Variants in PHF3 observed in about 807,000 individuals in gnomAD.
PHF3 encodes PHD finger protein 3.
Under a neutral mutation model 178.4 loss-of-function variants are expected in PHF3, and 41 were observed. The ratio of observed to expected loss-of-function variants is 0.23; its 90% CI spans 0.18 to 0.30. The LOEUF (loss-of-function observed/expected upper bound fraction) is 0.30, where lower values mean the gene tolerates loss of function less well. Ranked by LOEUF, PHF3 falls within the 10% of genes least tolerant of loss-of-function variation. The pLI is 1.00. For missense variants in PHF3, 2,346 were observed against 2,398.1 expected (o/e 0.98, Z 0.45); for synonymous variants, 842 against 800.5 (o/e 1.05, Z -0.88).
At chr6:63,660,278 GACGTGTACT>G (rs1765410262) in intron 2 of PHF3, among the ~76,000 whole-genome samples, 1 of 151,804 alleles carries the variant, frequency 6.6e-6, no homozygotes, top group South Asian at 2.1e-4. Flanking sequence ...CCAACAGGTA[GACGTGTACT>G]GCAAGCTACT....
chr6:63,718,524 CATT>C lies in PHF3; in HGVS notation c.*4817_*4819del, dbSNP rs2149620978. ...CAAACTAATTTAGTAAGAAGAGTGT[CATT>C]GTCTTGATTTTTGCATATTTCCAAT... On this transcript the variant is annotated 3_prime_UTR_variant, in exon 16 of 16. Coordinates refer to ENST00000262043, the MANE Select transcript of PHF3 (RefSeq NM_001370348.2). 6.6e-6 allele frequency among the ~76,000 whole-genome samples: 1 copy of C among 152,066 alleles called. No individual in the cohort carries two copies. The highest frequency in any genetic ancestry group is 6.6e-5 in the Admixed American group (1 of 15,232).
chr6:63,693,030 C>T (rs1309325264), intron 5 of PHF3, among the ~76,000 whole-genome samples: 1 of 152,126 alleles, frequency 6.6e-6, no homozygotes, highest in Non-Finnish European at 1.5e-5. Flanking sequence ...TTGTCATATC[C>T]TTGTGGCATC....
rs1768507581 is a variant in PHF3 at position 63,723,828 on chromosome 6, A to ATT, written c.*10121_*10122dup. ...TATTATTATTATTATTATTATTATTATTATTATTTTGAGACCAGAGTCCTG... is the reference window on the plus strand; with the variant it reads ...TATTATTATTATTATTATTATTATTATTTTATTATTTTGAGACCAGAGTCCTG... On this transcript the variant is annotated 3_prime_UTR_variant, in exon 16 of 16. Transcript: ENST00000262043. Among the ~76,000 whole-genome samples, 1 of 126,844 alleles carries ATT rather than the reference A, an allele frequency of 7.9e-6. No homozygotes were observed. The highest frequency in any genetic ancestry group is 2.7e-4 in the South Asian group (1 of 3,720). 83.2% of individuals were successfully genotyped at this position (126,844 alleles called of 152,430 possible).
chr6:63,720,539 T>C lies in PHF3; in HGVS notation c.*6831T>C. 1.6e-6 allele frequency: 2 copies of C among 1,272,554 alleles called. No homozygotes were observed. The highest frequency in any genetic ancestry group is 3.1e-5 in the Admixed American group (1 of 32,310). 78.8% of individuals were successfully genotyped at this position (1,272,554 alleles called of 1,614,324 possible). On this transcript the variant is annotated 3_prime_UTR_variant, in exon 16 of 16. Coordinates refer to ENST00000262043, the MANE Select transcript of PHF3 (RefSeq NM_001370348.2). ...CCCCGTAAGCAATGTATCAAAGAAA[T>C]AACTATCAAAATAACTGCATTTATG...
At chr6:63,677,731 TA>T (rs1222447967) in intron 2 of PHF3, among the ~76,000 whole-genome samples, 1 of 152,178 alleles carries the variant, frequency 6.6e-6, no homozygotes, top group Non-Finnish European at 1.5e-5. Flanking sequence ...TAATGAAGGT[TA>T]AAAAACAACA....
chr6:63,718,226 A>G lies in PHF3; in HGVS notation c.*4518A>G, dbSNP rs1308018647. Among the ~76,000 whole-genome samples the G allele has an allele frequency of 6.6e-6, 1 of 152,054 alleles. No homozygotes were observed. Among genetic ancestry groups the G allele is most frequent in the Non-Finnish European group, 1.5e-5 (1 of 67,954 alleles). On this transcript the variant is annotated 3_prime_UTR_variant, in exon 16 of 16. Coordinates refer to ENST00000262043, the MANE Select transcript of PHF3 (RefSeq NM_001370348.2). ...CTGCGTTTGGAATTCAATGATGAGC[A>G]AAATGGGAAAGTTCCAATTTTGTGG...
chr6:63,700,710 A>T (rs1168914332), intron 9 of PHF3, among the ~76,000 whole-genome samples: 1 of 152,100 alleles, frequency 6.6e-6, no homozygotes, highest in African/African-American at 2.4e-5. Context: ...CAGCCTCCCA[A>T]GTAGCTGGGA....
At position 63,711,886 on chromosome 6, in the gene PHF3, A is replaced by G; in HGVS notation, c.4298A>G (p.Lys1433Arg). The G allele has an allele frequency of 6.2e-7, 1 of 1,614,060 alleles. No individual in the cohort carries two copies. The highest frequency in any genetic ancestry group is 8.5e-7 in the Non-Finnish European group (1 of 1,179,948). Residue 1433 changes from lysine to arginine, a missense_variant, in exon 16 of 16, where the codon AAA becomes AGA. By Grantham distance (26) the Lys-to-Arg change is conservative. Transcript: ENST00000262043. The part of the protein sequence containing the change: ...TAVEPLMEVT[K>R]QEPPKPLRFL... ...GTTGAACCTTTAATGGAAGTCACCA[A>G]ACAGGAGCCACCAAAACCTTTAAGA...
chr6:63,657,551 TATTC>T (rs1309186190), intron 2 of PHF3, among the ~76,000 whole-genome samples: 2 of 152,220 alleles, frequency 1.3e-5, no homozygotes, highest in African/African-American at 2.4e-5. Flanking sequence ...ATGTATTTAA[TATTC>T]ATTAAGTGGA....
At position 63,665,479 on chromosome 6, in the gene PHF3, TTTTTTTG is replaced by T. The variant is rs1362305570; in HGVS notation, c.245-14514_245-14508del. ...AAAATTACTGTTTCGCTTTGTGGTT[TTTTTTTG>T]TTTTTTTTTTTTTTTTTTGAGACAG... On this transcript the variant is annotated intron_variant, in intron 2 of 15. Coordinates refer to ENST00000262043, the MANE Select transcript of PHF3 (RefSeq NM_001370348.2). Among the ~76,000 whole-genome samples the T allele has an allele frequency of 7.9e-4, 104 of 131,152 alleles. 1 individual carries two copies. The East Asian group carries it at 0.016, about 20-fold the overall frequency. The allele number at this position is 131,152 out of a possible 152,430, so 86.0% of individuals were successfully genotyped here.
intron 13 of PHF3, among the ~76,000 whole-genome samples, chr6:63,707,114 T>A (rs2149607266): frequency 6.6e-6 from 1 of 152,378 alleles, no homozygotes; most frequent in African/African-American, 2.4e-5. Context: ...ACTGCCTCAC[T>A]GTGTCAGATA....
intron 2 of PHF3, chr6:63,678,730 G>A: frequency 2.4e-6 from 1 of 410,596 alleles, no homozygotes; most frequent in Non-Finnish European, 4.8e-6. Flanking sequence ...AAGCATATGA[G>A]CAGTTTCATG....
Position 63,720,448 on chromosome 6 carries a change from T to A in PHF3, c.*6740T>A. The A allele has an allele frequency of 1.7e-6, 1 of 597,358 alleles. No homozygotes were observed. The allele number at this position is 597,358 out of a possible 1,614,324, so 37.0% of individuals were successfully genotyped here. ...ACAATCAGAACCTTCAGTGACATTTTACAATCTTATCAAAAAGATATGTTA... is the reference window on the plus strand; with the variant it reads ...ACAATCAGAACCTTCAGTGACATTTAACAATCTTATCAAAAAGATATGTTA... On this transcript the variant is annotated 3_prime_UTR_variant, in exon 16 of 16. Transcript: ENST00000262043.
rs1768092477 is a variant in PHF3, at chr6:63,713,947, C to CT, written c.*240dup. 2.8e-6 allele frequency: 1 copy of CT among 357,926 alleles called. No homozygotes were observed. Among genetic ancestry groups the CT allele is most frequent in the African/African-American group, 2.1e-5 (1 of 47,484 alleles). 22.2% of individuals were successfully genotyped at this position (357,926 alleles called of 1,614,324 possible). The stretch of plus-strand genomic sequence containing the variant: ...TAATATTTTTAAAAGTTTTACATTG[C>CT]TGTATATTCAAAGATTTGTTTTATT... On this transcript the variant is annotated 3_prime_UTR_variant, in exon 16 of 16. Transcript: ENST00000262043.
At chr6:63,643,500 C>G (rs901003684) in intron 1 of PHF3, among the ~76,000 whole-genome samples, 1 of 152,094 alleles carries the variant, frequency 6.6e-6, no homozygotes, top group Non-Finnish European at 1.5e-5. Context: ...GTGATTTGTC[C>G]TGTGGAAATT....
intron 2 of PHF3, among the ~76,000 whole-genome samples, chr6:63,675,476 A>G (rs1375172573): frequency 6.6e-6 from 1 of 152,132 alleles, no homozygotes; most frequent in Admixed American, 6.6e-5. Context: ...TGGGAAGAAA[A>G]AACATACTGG....
intron 2 of PHF3, among the ~76,000 whole-genome samples, chr6:63,647,412 G>A (rs1764837145): frequency 6.6e-6 from 1 of 152,046 alleles, no homozygotes. Flanking sequence ...ATTGAGATGT[G>A]CTATAAAATG....
At chr6:63,636,729 C>T (rs1764357259) in intron 1 of PHF3, 1 of 152,312 alleles carries the variant, frequency 6.6e-6, no homozygotes, top group African/African-American at 2.4e-5. Flanking sequence ...GCCCGGGACT[C>T]AAACTGTGGA....
At position 63,720,318 on chromosome 6, in the gene PHF3, A is replaced by G. The variant is rs572403267; in HGVS notation, c.*6610A>G. 3.2e-4 allele frequency: 129 copies of G among 398,898 alleles called. No homozygotes were observed. Among genetic ancestry groups the G allele is most frequent in the African/African-American group, 2.4e-3 (118 of 48,466 alleles). The allele number at this position is 398,898 out of a possible 1,614,324, so 24.7% of individuals were successfully genotyped here. A position where few individuals can be genotyped will look rare whatever the true frequency, so the allele number is the denominator to read the frequency against. On this transcript the variant is annotated 3_prime_UTR_variant, in exon 16 of 16. Coordinates refer to ENST00000262043, the MANE Select transcript of PHF3 (RefSeq NM_001370348.2). The stretch of plus-strand genomic sequence containing the variant: ...AAATGTAAGCATTAGGGATAGGTAA[A>G]AAGTGAATAAGCAAAGTGAATAAGC...
Sources: gnomAD v4.1 joint callset for allele counts (sites outside exome capture counted in the v4.1 genomes callset) on GRCh38, gnomAD v4.1.1 for gene constraint, MANE v1.5 for transcripts, NCBI Gene and HGNC (gene_info 2026-07-23, HGNC 2026-07-21) for gene names.